MACROD1: variants seen among roughly 807,000 people sequenced by gnomAD.
MACROD1 encodes the protein mono-ADP ribosylhydrolase 1, also known as ADP-ribose glycohydrolase MACROD1.
A neutral mutation model predicts 41.4 loss-of-function variants in MACROD1; 31 were observed. The ratio of observed to expected loss-of-function variants is 0.75; its 90% confidence interval spans 0.56 to 1.01. The LOEUF (loss-of-function observed/expected upper bound fraction) is 1.01. Among genes scored for constraint, MACROD1 ranks in the 50% least tolerant of loss-of-function variants. The probability of loss-of-function intolerance (pLI) is 0.00; values close to 1 mark genes in which losing one functional copy is unlikely to be tolerated. For missense variants in MACROD1, 473 were observed against 460.0 expected (o/e 1.03, Z -0.26); for synonymous variants, 252 against 203.4 (o/e 1.24, Z -2.03).
intron 8 of MACROD1, 121 bp from the exon 9 acceptor site, chr11:63,999,157 G>C: frequency 7.6e-7 from 1 of 1,310,384 alleles, no homozygotes; most frequent in Non-Finnish European, 1.0e-6. Flanking sequence ...GAGGCTCACG[G>C]CTGTGTGCCA....
chr11:64,113,087 C>T (rs1023464975), intron 3 of MACROD1, among the ~76,000 whole-genome samples: 10 of 152,246 alleles, frequency 6.6e-5, no homozygotes, highest in Admixed American at 3.9e-4. Context: ...TTCTGGCCTC[C>T]TCCCTAGATG....
chr11:64,047,082 G>A (rs914333053), intron 3 of MACROD1, among the ~76,000 whole-genome samples: 4 of 151,740 alleles, frequency 2.6e-5, no homozygotes, highest in South Asian at 2.1e-4. Context: ...AGCCTTCGAC[G>A]TGCTGTTCCC....
intron 4 of MACROD1, among the ~76,000 whole-genome samples, chr11:64,003,806 G>A (rs183994397): frequency 8.5e-5 from 13 of 152,272 alleles, no homozygotes; most frequent in Admixed American, 5.9e-4. Flanking sequence ...ATGGCCCCCT[G>A]TCCACGCTCT....
intron 3 of MACROD1, among the ~76,000 whole-genome samples, chr11:64,017,073 G>A (rs970711442): frequency 3.3e-5 from 5 of 152,160 alleles, no homozygotes; most frequent in Admixed American, 1.3e-4. Context: ...AGGTTCAAGT[G>A]ATTCTCCTGC....
chr11:64,048,889 C>T (rs1168136049), intron 3 of MACROD1, among the ~76,000 whole-genome samples: 1 of 152,070 alleles, frequency 6.6e-6, no homozygotes, highest in African/African-American at 2.4e-5. Context: ...CGCCCTTGCC[C>T]TGTCCCCACA....
intron 1 of MACROD1, among the ~76,000 whole-genome samples, chr11:64,165,295 C>T (rs1407272281): frequency 6.6e-6 from 1 of 152,194 alleles, no homozygotes; most frequent in African/African-American, 2.4e-5. Context: ...GGGATCATAA[C>T]CTCCACTTTG....
intron 3 of MACROD1, among the ~76,000 whole-genome samples, chr11:64,049,995 A>G (rs966288586): frequency 7.9e-5 from 12 of 152,226 alleles, no homozygotes; most frequent in Non-Finnish European, 1.6e-4. Context: ...CCTGGATGCC[A>G]TATTATAAAT....
intron 3 of MACROD1, chr11:64,118,299 C>T (rs763052835): frequency 2.6e-6 from 4 of 1,543,558 alleles, no homozygotes; most frequent in Admixed American, 3.7e-5. Context: ...ATGATGCCCG[C>T]CCACCCGGGC....
chr11:64,076,102 C>T lies in MACROD1; in HGVS notation c.518-60821G>A, dbSNP rs75454556. 4.1e-3 allele frequency among the ~76,000 whole-genome samples: 632 copies of T among 152,340 alleles called. 2 individuals carry two copies. The highest frequency in any genetic ancestry group is 0.02 in the Middle Eastern group (6 of 294). On this transcript the variant is annotated intron_variant, in intron 3 of 10. Coordinates refer to ENST00000255681, the MANE Select transcript of MACROD1 (RefSeq NM_014067.4). ...CCAGCCTGCAGCCAGAGGCCTCTCC[C>T]TCAAGCACAGGCTGGCCCTGCCAGT... is the stretch of plus-strand genomic sequence containing the variant.
Position 64,122,283 on chromosome 11 carries a change from C to T in MACROD1, c.517+28956G>A, listed in dbSNP as rs1302791442. ...TTGCTCCACGCTAACATGGTGCATG[C>T]GGCGGCCAGGGGCCTCCCTGACACA... On this transcript the variant is annotated intron_variant, in intron 3 of 10. Transcript: ENST00000255681. This position sits in a 1 kb window ranked among gnomAD's most constrained non-coding sequence, Gnocchi z 4.0. Among the ~76,000 whole-genome samples the T allele has an allele frequency of 1.3e-5, 2 of 152,228 alleles. No homozygotes were observed. The highest frequency in any genetic ancestry group is 2.9e-5 in the Non-Finnish European group (2 of 68,042).
At chr11:64,145,586 G>C (rs1945484338) in intron 3 of MACROD1, among the ~76,000 whole-genome samples, 1 of 152,170 alleles carries the variant, frequency 6.6e-6, no homozygotes, top group East Asian at 1.9e-4. Context: ...GGGGTGCTGG[G>C]ACCCTGACCT....
intron 3 of MACROD1, among the ~76,000 whole-genome samples, chr11:64,099,827 AGATGGATG>A (rs544902818): frequency 6.6e-6 from 1 of 151,008 alleles, no homozygotes; most frequent in African/African-American, 2.4e-5. Flanking sequence ...GTGAATGGAT[AGATGGATG>A]GATGGATGGA....
intron 3 of MACROD1, among the ~76,000 whole-genome samples, chr11:64,076,473 A>ATGG (rs1944204245): frequency 6.6e-6 from 1 of 151,742 alleles, no homozygotes. Flanking sequence ...CGGACGGACG[A>ATGG]ATGGATGGAT....
chr11:64,111,777 T>C (rs1944867116), intron 3 of MACROD1, among the ~76,000 whole-genome samples: 1 of 152,212 alleles, frequency 6.6e-6, no homozygotes, highest in Admixed American at 6.5e-5. Context: ...TTTCCCATGA[T>C]CTGGGCCAGT....
At chr11:64,070,671 TC>T (rs1006232004) in intron 3 of MACROD1, among the ~76,000 whole-genome samples, 5 of 152,230 alleles carry the variant, frequency 3.3e-5, no homozygotes, top group African/African-American at 7.2e-5. Flanking sequence ...TCCCAGCTGA[TC>T]GGGGCAGATT....
chr11:64,103,061 C>A (rs1365783390), intron 3 of MACROD1: 1 of 149,426 alleles, frequency 6.7e-6, no homozygotes, highest in Non-Finnish European at 1.5e-5. Flanking sequence ...CAGAGCGAGA[C>A]TCCATCTCAA....
intron 3 of MACROD1, among the ~76,000 whole-genome samples, chr11:64,053,674 T>C (rs1405605297): frequency 6.6e-6 from 1 of 152,150 alleles, no homozygotes; most frequent in African/African-American, 2.4e-5. Flanking sequence ...CAGGTGTGAC[T>C]GCCTGGGGGA....
intron 3 of MACROD1, among the ~76,000 whole-genome samples, chr11:64,112,008 C>T (rs1180480630): frequency 6.6e-6 from 1 of 152,170 alleles, no homozygotes; most frequent in African/African-American, 2.4e-5. Flanking sequence ...CCTGCAGCCA[C>T]GCAGCCCTGG....
intron 3 of MACROD1, among the ~76,000 whole-genome samples, chr11:64,110,021 C>G (rs940194857): frequency 3.3e-5 from 5 of 152,088 alleles, no homozygotes; most frequent in African/African-American, 9.7e-5. Flanking sequence ...CCAGATCACA[C>G]TCAGGAGGGG....
Sources: allele counts gnomAD v4.1 joint callset (sites outside exome capture counted in the v4.1 genomes callset), GRCh38; gene constraint gnomAD v4.1.1; non-coding constraint Gnocchi (gnomAD v3.1); transcripts MANE v1.5; gene names NCBI Gene and HGNC (gene_info 2026-07-23, HGNC 2026-07-21).